SARDH: variants seen among roughly 807,000 people sequenced by gnomAD.
SARDH encodes the protein sarcosine dehydrogenase.
In SARDH, 95 loss-of-function variants were observed where a neutral mutation model predicts 109.1. The observed-to-expected ratio is 0.87, with a 90% CI of 0.74 to 1.03. The LOEUF is 1.03. Ranked by LOEUF, SARDH falls within the 50% of genes least tolerant of loss-of-function variation. SARDH has a pLI of 0.00. For synonymous variants in SARDH, 572 were observed against 534.8 expected (o/e 1.07, Z -0.96); for missense variants, 1,267 against 1,287.8 (o/e 0.98, Z 0.25).
chr9:133,671,215 C>T (rs930186736), intron 18 of SARDH, among the ~76,000 whole-genome samples: 1 of 152,132 alleles, frequency 6.6e-6, no homozygotes, highest in African/African-American at 2.4e-5. Context: ...GAAACCAAGG[C>T]CCTCAATTCC....
intron 16 of SARDH, among the ~76,000 whole-genome samples, chr9:133,687,004 G>A (rs911812130): frequency 3.3e-5 from 5 of 152,298 alleles, no homozygotes; most frequent in East Asian, 3.9e-4. Flanking sequence ...TCTGACCCAG[G>A]CTATGGGCTC....
chr9:133,712,662 T>C lies in SARDH; in HGVS notation c.1285A>G (p.Ile429Val). Reference protein sequence around the residue: ...GCGQELAHWIIHGRPEKDMHG... With the variant: ...GCGQELAHWIVHGRPEKDMHG... ...ATGTCCTTCTCCGGGCGCCCATGGA[T>C]GATCCAGTGGGCCAGCTCCTGCCCA... The change falls in exon 10 of 21, where the codon ATC becomes GTC. Residue 429 changes from isoleucine (I) to valine (V), a missense_variant. Ile to Val is a conservative substitution (Grantham distance 29). Coordinates refer to ENST00000439388, the MANE Select transcript of SARDH (RefSeq NM_001134707.2). The surrounding 1 kb of genome is among the most constrained non-coding windows in gnomAD (Gnocchi z 4.1). 1 of 1,610,596 alleles carries C rather than the reference T, an allele frequency of 6.2e-7. No homozygotes were observed. Among genetic ancestry groups the C allele is most frequent in the Non-Finnish European group, 8.5e-7 (1 of 1,179,986 alleles).
intron 10 of SARDH, among the ~76,000 whole-genome samples, chr9:133,710,426 G>A (rs376582252): frequency 2.0e-4 from 31 of 152,340 alleles, no homozygotes; most frequent in African/African-American, 6.0e-4. Flanking sequence ...CGCGCAGCCC[G>A]GAGCCCAGAC....
At chr9:133,723,637 C>A (rs565881162) in intron 6 of SARDH, among the ~76,000 whole-genome samples, 1 of 152,274 alleles carries the variant, frequency 6.6e-6, no homozygotes, top group South Asian at 2.1e-4. Context: ...GTAGCAGGCA[C>A]CTGTAGTCCC....
At chr9:133,660,113 T>C (rs1564217569), downstream of SARDH, among the ~76,000 whole-genome samples, 1 of 137,566 alleles carries the variant, frequency 7.3e-6, no homozygotes, top group East Asian at 2.5e-4. Context: ...CCTCTTCCTC[T>C]TGCAGAGACA....
intron 20 of SARDH, among the ~76,000 whole-genome samples, chr9:133,664,327 G>A (rs578100462): frequency 5.3e-5 from 8 of 152,350 alleles, no homozygotes; most frequent in African/African-American, 1.7e-4. Flanking sequence ...CAGCAACACG[G>A]TGGCTTCCCC....
chr9:133,690,764 C>G (rs537039703), intron 15 of SARDH, among the ~76,000 whole-genome samples: 1 of 152,162 alleles, frequency 6.6e-6, no homozygotes, highest in Non-Finnish European at 1.5e-5. Context: ...CCCTACCACC[C>G]ACCCCTCTGC....
intron 11 of SARDH, among the ~76,000 whole-genome samples, chr9:133,705,367 GAATT>G (rs55646452): frequency 0.065 from 649 of 10,040 alleles, 217 homozygotes; most frequent in East Asian, 0.26. Context: ...CCCATCTATA[GAATT>G]AATTACCACC....
At chr9:133,717,725 C>G (rs1287184130) in intron 7 of SARDH, among the ~76,000 whole-genome samples, 1 of 152,106 alleles carries the variant, frequency 6.6e-6, no homozygotes, top group African/African-American at 2.4e-5. Flanking sequence ...CAAGCCTCCT[C>G]TGGCCCCCTG....
intron 17 of SARDH, among the ~76,000 whole-genome samples, chr9:133,683,241 G>A (rs1302452066): frequency 2.6e-5 from 4 of 152,122 alleles, no homozygotes; most frequent in African/African-American, 9.7e-5. Flanking sequence ...AGCTGGAGCC[G>A]CCTGTCTGAG....
chr9:133,706,251 A>C (rs1460625612), intron 11 of SARDH, among the ~76,000 whole-genome samples: 1 of 144,056 alleles, frequency 6.9e-6, no homozygotes, highest in Non-Finnish European at 1.5e-5. Flanking sequence ...CATGGTCTGC[A>C]TACACCATGG....
At chr9:133,732,630 C>T in intron 2 of SARDH, 29 bp from the exon 3 acceptor site, 1 of 1,577,574 alleles carries the variant, frequency 6.3e-7, no homozygotes, top group Non-Finnish European at 8.6e-7. Flanking sequence ...GCCATCACTC[C>T]CCAGGGAGTG....
chr9:133,702,582 C>T (rs955354995), intron 13 of SARDH, among the ~76,000 whole-genome samples: 3 of 152,202 alleles, frequency 2.0e-5, no homozygotes, highest in East Asian at 3.9e-4. Flanking sequence ...CCAGCCTCGG[C>T]GCAGCTCCGG....
chr9:133,699,507 AAAT>A (rs374249778), intron 13 of SARDH, among the ~76,000 whole-genome samples: 4,905 of 151,596 alleles, frequency 0.032, 279 homozygotes, highest in African/African-American at 0.11. Flanking sequence ...ACCCTGTCTC[AAAT>A]AATAATAATA....
Position 133,694,014 on chromosome 9 carries a change from C to G in SARDH, c.1921+244G>C, listed in dbSNP as rs1398550630. On this transcript the variant is annotated intron_variant, in intron 15 of 20. Transcript: ENST00000439388. ...ACACTGCAGCCACTCCGAACCGCAA[C>G]AGCGTGGACAGGTTCAGAGATGCAA... Among the ~76,000 whole-genome samples, 6 of 152,250 alleles carry G rather than the reference C, an allele frequency of 3.9e-5. No individual in the cohort carries two copies. In the East Asian group the frequency reaches 1.2e-3, roughly 29 times the overall value.
chr9:133,680,743 G>A (rs376135217), intron 17 of SARDH, among the ~76,000 whole-genome samples: 3 of 148,950 alleles, frequency 2.0e-5, no homozygotes, highest in East Asian at 3.9e-4. Context: ...CCAGACACAC[G>A]CAGACCTGGC....
intron 17 of SARDH, among the ~76,000 whole-genome samples, chr9:133,674,150 G>A (rs780654256): frequency 8.5e-5 from 13 of 152,242 alleles, no homozygotes; most frequent in Non-Finnish European, 1.6e-4. Flanking sequence ...AGTGGAGTGG[G>A]ATCAGTCCCC....
chr9:133,667,533 T>G (rs999644807), intron 19 of SARDH, among the ~76,000 whole-genome samples: 7 of 151,614 alleles, frequency 4.6e-5, no homozygotes, highest in African/African-American at 1.7e-4. Context: ...AATACATGAA[T>G]GCTCACTGTA....
rs575300600 is a variant in SARDH at position 133,704,860 on chromosome 9, C to T, written c.1554+88G>A. The T allele has an allele frequency of 3.9e-4, 448 of 1,161,148 alleles. 1 individual carries two copies. Among genetic ancestry groups the T allele is most frequent in the Non-Finnish European group, 5.1e-4 (411 of 800,896 alleles). The allele number at this position is 1,161,148 out of a possible 1,614,324, so 71.9% of individuals were successfully genotyped here. Reference sequence around the variant, plus strand: ...GAACCACCTGGGGAGGCGGGGCACACGGAGGGGCAAGGACGGGGCACGTGG... The same window carrying T: ...GAACCACCTGGGGAGGCGGGGCACATGGAGGGGCAAGGACGGGGCACGTGG... On this transcript the variant is annotated intron_variant, in intron 12 of 20. Coordinates refer to ENST00000439388, the MANE Select transcript of SARDH (RefSeq NM_001134707.2). The surrounding 1 kb of genome is among the most constrained non-coding windows in gnomAD (Gnocchi z 4.5).
Sources: gnomAD v4.1 joint callset for allele counts (sites outside exome capture counted in the v4.1 genomes callset) on GRCh38, gnomAD v4.1.1 for gene constraint, Gnocchi (gnomAD v3.1) non-coding constraint, MANE v1.5 for transcripts, NCBI Gene and HGNC (gene_info 2026-07-23, HGNC 2026-07-21) for gene names.